Variants in TBCK observed in about 807,000 individuals in gnomAD.
TBCK encodes the protein TBC domain-containing protein kinase-like protein.
A neutral mutation model predicts 113.4 loss-of-function variants in TBCK; 99 were observed. That is an observed-to-expected ratio of 0.87 (90% CI 0.74 to 1.03). The LOEUF is 1.03. Among genes scored for constraint, TBCK ranks in the 50% least tolerant of loss-of-function variants. TBCK has a pLI of 0.00. For missense variants in TBCK, 1,045 were observed against 1,061.3 expected, an observed-to-expected ratio of 0.98 and a Z score of 0.21; for synonymous variants, 369 against 370.8, an observed-to-expected ratio of 1.00 and a Z score of 0.05.
At chr4:106,200,712 C>G in intron 20 of TBCK, among the ~76,000 whole-genome samples, 1 of 151,930 alleles carries the variant, frequency 6.6e-6, no homozygotes, top group East Asian at 1.9e-4. Flanking sequence ...TTGTCTATCT[C>G]TTATTTTATT....
At chr4:106,299,823 C>T (rs1171859465) in intron 2 of TBCK, among the ~76,000 whole-genome samples, 3 of 152,058 alleles carry the variant, frequency 2.0e-5, no homozygotes, top group Non-Finnish European at 4.4e-5. Context: ...TAATGTGATG[C>T]TAAGATGAAC....
At chr4:106,116,112 A>AT (rs564063702) in intron 24 of TBCK, 91 bp downstream of exon 24, 27,885 of 979,206 alleles carry the variant, frequency 0.028, 5 homozygotes, top group South Asian at 0.034. Context: ...GAATCCCAGA[A>AT]TTTTTTTTTT....
chr4:106,153,745 T>C (rs1748797108), intron 23 of TBCK, among the ~76,000 whole-genome samples: 2 of 152,136 alleles, frequency 1.3e-5, no homozygotes, highest in African/African-American at 4.8e-5. Context: ...ACTGAATTCA[T>C]ATATGTTTAC....
intron 23 of TBCK, among the ~76,000 whole-genome samples, chr4:106,122,347 G>A (rs1270888026): frequency 6.6e-6 from 1 of 152,092 alleles, no homozygotes; most frequent in Non-Finnish European, 1.5e-5. Flanking sequence ...TCTCTGAATA[G>A]ACCAATAACA....
intron 23 of TBCK, among the ~76,000 whole-genome samples, chr4:106,165,659 T>C (rs1750283648): frequency 6.6e-6 from 1 of 151,780 alleles, no homozygotes; most frequent in African/African-American, 2.4e-5. Flanking sequence ...AAACTTGTAA[T>C]AATGATTTTT....
chr4:106,220,238 C>T (rs1757520929), intron 19 of TBCK, among the ~76,000 whole-genome samples: 1 of 152,084 alleles, frequency 6.6e-6, no homozygotes, highest in Non-Finnish European at 1.5e-5. Flanking sequence ...CCGTGCTATT[C>T]TCATAATAGT....
At chr4:106,048,587 T>C (rs1734464397) in intron 25 of TBCK, among the ~76,000 whole-genome samples, 1 of 152,244 alleles carries the variant, frequency 6.6e-6, no homozygotes, top group South Asian at 2.1e-4. Context: ...CCTGGTACCA[T>C]ATGATTATTG....
At chr4:106,249,249 T>C (rs759976337) in intron 7 of TBCK, among the ~76,000 whole-genome samples, 12 of 152,180 alleles carry the variant, frequency 7.9e-5, no homozygotes, top group South Asian at 2.1e-4. Flanking sequence ...AAGGTAAAGA[T>C]ACTCTAGCTC....
rs1025763832 is a variant in TBCK, at chr4:106,193,705, G to A, written c.1963C>T (p.Pro655Ser). The change falls in exon 22 of 26, where the codon CCA becomes TCA. Residue 655 changes from proline to serine, a missense_variant. Transcript: ENST00000394708. ...DTLLLGNSSF[P>S]FCIGVAILQQ... The stretch of plus-strand genomic sequence containing the variant: ...AGAATTGCTACTCCAATACAGAATG[G>A]GAAAGAGGAATTCCCAAGTAGTAAG... 2 of 1,611,434 alleles carry A rather than the reference G, an allele frequency of 1.2e-6. No individual in the cohort carries two copies. Among genetic ancestry groups the A allele is most frequent in the Non-Finnish European group, 8.5e-7 (1 of 1,178,996 alleles).
chr4:106,211,141 G>C (rs1249507191), intron 20 of TBCK, among the ~76,000 whole-genome samples: 1 of 151,964 alleles, frequency 6.6e-6, no homozygotes, highest in Non-Finnish European at 1.5e-5. Flanking sequence ...AATTTAATTA[G>C]GTGCCTTTAC....
chr4:106,234,864 T>C (rs1057423981), intron 15 of TBCK, among the ~76,000 whole-genome samples: 3 of 152,106 alleles, frequency 2.0e-5, no homozygotes, highest in African/African-American at 4.8e-5. Context: ...CACTAAATTA[T>C]GTTAGTGATT....
At chr4:106,051,395 G>A (rs1309421778) in intron 25 of TBCK, among the ~76,000 whole-genome samples, 2 of 151,886 alleles carry the variant, frequency 1.3e-5, no homozygotes, top group East Asian at 3.9e-4. Context: ...AAACAGAGAA[G>A]TCTTTTATCT....
chr4:106,144,443 T>C (rs942695538), intron 23 of TBCK, among the ~76,000 whole-genome samples: 2 of 152,074 alleles, frequency 1.3e-5, no homozygotes, highest in East Asian at 3.9e-4. Flanking sequence ...ACCAAGGTAA[T>C]TGGAAAAGAT....
intron 3 of TBCK, among the ~76,000 whole-genome samples, chr4:106,273,936 G>A (rs1423688712): frequency 1.3e-5 from 2 of 152,154 alleles, no homozygotes; most frequent in Admixed American, 6.5e-5. Flanking sequence ...CACATGTTTG[G>A]TCTTTCGAAA....
chr4:106,067,337 G>A (rs944737500), intron 25 of TBCK, among the ~76,000 whole-genome samples: 1 of 152,030 alleles, frequency 6.6e-6, no homozygotes, highest in Non-Finnish European at 1.5e-5. Flanking sequence ...GTCTGTTGTT[G>A]AGCTGTAGGA....
Position 106,193,661 on chromosome 4 carries a change from C to G in TBCK, c.2007G>C (p.Arg669=). 1 of 1,613,418 alleles carries G rather than the reference C, an allele frequency of 6.2e-7. No homozygotes were observed. Among genetic ancestry groups the G allele is most frequent in the Non-Finnish European group, 8.5e-7 (1 of 1,179,632 alleles). ...ACTCATTAAAGCCATTAGCCAAAAG[C>G]CGGTCCCGCAGCTGCTGAAGAATTG... The part of the protein sequence containing the change: ...GVAILQQLRD[R]LLANGFNECI... Residue 669 remains arginine, a synonymous_variant, in exon 22 of 26, where the codon CGG becomes CGC. Coordinates refer to ENST00000394708, the MANE Select transcript of TBCK (RefSeq NM_001163435.3).
chr4:106,246,404 G>A (rs1262903042), intron 10 of TBCK, among the ~76,000 whole-genome samples: 2 of 151,980 alleles, frequency 1.3e-5, no homozygotes, highest in African/African-American at 2.4e-5. Context: ...TCCAAGAGTC[G>A]TAATCTTCAC....
intron 20 of TBCK, among the ~76,000 whole-genome samples, chr4:106,202,180 CTTT>C (rs11288078): frequency 6.7e-6 from 1 of 149,954 alleles, no homozygotes; most frequent in Non-Finnish European, 1.5e-5. Flanking sequence ...AAGATACACA[CTTT>C]TTTTTTTTTA....
intron 20 of TBCK, among the ~76,000 whole-genome samples, chr4:106,200,410 C>T (rs1754750195): frequency 6.6e-6 from 1 of 152,044 alleles, no homozygotes; most frequent in South Asian, 2.1e-4. Context: ...TCTGGTGGCG[C>T]ATGCCTGTGG....
Sources: allele counts gnomAD v4.1 joint callset (sites outside exome capture counted in the v4.1 genomes callset), GRCh38; gene constraint gnomAD v4.1.1; transcripts MANE v1.5; gene names NCBI Gene and HGNC (gene_info 2026-07-23, HGNC 2026-07-21).